Variants in APAF1 observed in about 807,000 individuals in gnomAD.
The protein encoded by APAF1 is apoptotic protease-activating factor 1.
A neutral mutation model predicts 152.4 loss-of-function variants in APAF1; 91 were observed. That is an observed-to-expected ratio of 0.60 (90% CI 0.50 to 0.71). The LOEUF is 0.71. APAF1 is among the 30% of genes least tolerant of loss of function. The pLI is 0.00. For synonymous variants in APAF1, 484 were observed against 494.1 expected (o/e 0.98, Z 0.27); for missense variants, 1,283 against 1,472.0 (o/e 0.87, Z 2.10).
At chr12:98,715,643 A>T (rs2097733946) in intron 22 of APAF1, 91 bp downstream of exon 22, 2 of 1,454,734 alleles carry the variant, frequency 1.4e-6, no homozygotes, top group Non-Finnish European at 1.9e-6. Flanking sequence ...TATATTTTAA[A>T]CACATTACGT....
At position 98,732,618 on chromosome 12, in the gene APAF1, AAAT is replaced by A; in HGVS notation, c.*53_*55del. The A allele has an allele frequency of 7.8e-7, 1 of 1,279,818 alleles. No homozygotes were observed. Among genetic ancestry groups the A allele is most frequent in the African/African-American group, 1.5e-5 (1 of 66,904 alleles). The allele number at this position is 1,279,818 out of a possible 1,614,324, so 79.3% of individuals were successfully genotyped here. ...CTTTTTAAATTTTTGAATTGGAAAA[AAAT>A]TCTAATGAAACCCTGATATCAACTT... On this transcript the variant is annotated 3_prime_UTR_variant, in exon 27 of 27. Transcript: ENST00000551964.
At chr12:98,686,166 A>G (rs537581251) in intron 15 of APAF1, among the ~76,000 whole-genome samples, 29 of 152,278 alleles carry the variant, frequency 1.9e-4, no homozygotes, top group African/African-American at 7.0e-4. Context: ...ATCCAAACAA[A>G]CTTTATGTAG....
intron 20 of APAF1, 42 bp downstream of exon 20, chr12:98,708,746 G>C: frequency 2.5e-6 from 4 of 1,601,146 alleles, no homozygotes; most frequent in Non-Finnish European, 2.6e-6. Flanking sequence ...TGTTTTGGTT[G>C]AATTTTCTAT....
At chr12:98,729,767 T>C (rs1044676370) in intron 26 of APAF1, among the ~76,000 whole-genome samples, 25 of 152,190 alleles carry the variant, frequency 1.6e-4, no homozygotes, top group African/African-American at 6.0e-4. Flanking sequence ...GGTGTTTTGG[T>C]TACATGAGAC....
At chr12:98,706,264 G>C (rs1390211259) in intron 18 of APAF1, among the ~76,000 whole-genome samples, 3 of 152,074 alleles carry the variant, frequency 2.0e-5, no homozygotes, top group African/African-American at 7.2e-5. Flanking sequence ...TATTCAGTTG[G>C]TTCCCTATTG....
intron 17 of APAF1, among the ~76,000 whole-genome samples, chr12:98,702,924 T>C (rs1565884309): frequency 1.3e-5 from 2 of 152,064 alleles, no homozygotes. Flanking sequence ...TGATTGACTA[T>C]AATGGAGCAA....
At position 98,667,497 on chromosome 12, in the gene APAF1, T is replaced by C. The variant is rs34873465; in HGVS notation, c.1363-16T>C. On this transcript the variant is annotated splice_polypyrimidine_tract_variant and intron_variant, in intron 9 of 26. Coordinates refer to ENST00000551964, the MANE Select transcript of APAF1 (RefSeq NM_181861.2). ...AAAATTGTTTCTGGCTTCTGAAACG[T>C]TTCATTGGGTTGCAGGATCTACATA... 156,941 of 1,611,882 alleles carry C rather than the reference T, an allele frequency of 0.097. 8,973 individuals are homozygous for C. The highest frequency in any genetic ancestry group is 0.25 in the East Asian group (11,047 of 44,812).
chr12:98,692,397 TA>T (rs963031294), intron 16 of APAF1, among the ~76,000 whole-genome samples: 29 of 150,026 alleles, frequency 1.9e-4, no homozygotes, highest in African/African-American at 4.9e-4. Context: ...TTTCATGATT[TA>T]AAAAAAAAAA....
intron 25 of APAF1, 133 bp downstream of exon 25, chr12:98,725,673 T>C (rs1305545534): frequency 4.0e-6 from 5 of 1,241,422 alleles, no homozygotes; most frequent in Non-Finnish European, 4.7e-6. Context: ...ATTCTTTTTG[T>C]TTCTTGTGCA....
At chr12:98,726,677 C>A (rs1256349049) in intron 25 of APAF1, 2 of 154,662 alleles carry the variant, frequency 1.3e-5, no homozygotes, top group African/African-American at 4.8e-5. Context: ...TGCTCCTTTC[C>A]CAGTTATGAG....
At chr12:98,709,375 A>G (rs980873011) in intron 20 of APAF1, among the ~76,000 whole-genome samples, 5 of 152,152 alleles carry the variant, frequency 3.3e-5, no homozygotes, top group Admixed American at 1.3e-4. Flanking sequence ...CTAGCTGAAG[A>G]GAGAAGGAGT....
At chr12:98,690,694 T>G (rs1004039399) in intron 16 of APAF1, among the ~76,000 whole-genome samples, 1 of 152,246 alleles carries the variant, frequency 6.6e-6, no homozygotes, top group Non-Finnish European at 1.5e-5. Context: ...CGCTGAATTA[T>G]GGTCTGTTCA....
At chr12:98,676,536 T>A (rs1019396241) in intron 12 of APAF1, among the ~76,000 whole-genome samples, 1 of 152,186 alleles carries the variant, frequency 6.6e-6, no homozygotes, top group African/African-American at 2.4e-5. Context: ...CTATGAGCAG[T>A]AATATAATAT....
chr12:98,683,812 C>G (rs1279162729), intron 15 of APAF1, among the ~76,000 whole-genome samples: 2 of 152,164 alleles, frequency 1.3e-5, no homozygotes, highest in African/African-American at 2.4e-5. Flanking sequence ...GAGGTCAACT[C>G]TACTTGAATC....
intron 4 of APAF1, among the ~76,000 whole-genome samples, chr12:98,655,431 C>T (rs1024051794): frequency 6.0e-5 from 9 of 150,918 alleles, no homozygotes; most frequent in Non-Finnish European, 8.9e-5. Context: ...CCTCACCTCC[C>T]GGACGGGGCG....
chr12:98,702,542 C>T (rs750365782), intron 17 of APAF1, among the ~76,000 whole-genome samples: 3 of 151,804 alleles, frequency 2.0e-5, no homozygotes, highest in East Asian at 3.9e-4. Context: ...GAAGAAACTG[C>T]GGCTGGGCGT....
Position 98,670,877 on chromosome 12 carries a change from T to C in APAF1, c.1495-96T>C. 5.4e-6 allele frequency: 4 copies of C among 740,790 alleles called. No individual in the cohort carries two copies. In the South Asian group the frequency reaches 6.0e-5, roughly 11 times the overall value. The allele number at this position is 740,790 out of a possible 1,614,324, so 45.9% of individuals were successfully genotyped here. On this transcript the variant is annotated intron_variant, in intron 10 of 26. Transcript: ENST00000551964. ...TTTGCATCCTTTAAATTCTAGATAT[T>C]TACTGTTTCTCTTAGCAGTGTGAGG...
At chr12:98,725,270 C>A in intron 24 of APAF1, 145 bp from the exon 25 acceptor site, 1 of 1,000,146 alleles carries the variant, frequency 1.0e-6, no homozygotes, top group Non-Finnish European at 1.5e-6. Context: ...AGGTTGCATG[C>A]TGGAACTTGG....
chr12:98,679,939 A>C (rs1311693981), intron 13 of APAF1, among the ~76,000 whole-genome samples: 1 of 152,244 alleles, frequency 6.6e-6, no homozygotes, highest in Non-Finnish European at 1.5e-5. Context: ...AGCTGAATGC[A>C]GCCTGTCAGG....
Sources: allele counts gnomAD v4.1 joint callset (sites outside exome capture counted in the v4.1 genomes callset), GRCh38; gene constraint gnomAD v4.1.1; transcripts MANE v1.5; gene names NCBI Gene and HGNC (gene_info 2026-07-23, HGNC 2026-07-21).